The following FREM1 variants were observed in gnomAD, a reference collection of about 807,000 sequenced individuals.
FREM1 encodes the protein FRAS1-related extracellular matrix protein 1.
FREM1 carries 220 observed loss-of-function variants against 210.1 expected under a neutral mutation model. That is an observed-to-expected ratio of 1.05 (90% CI 0.94 to 1.17). FREM1 has a LOEUF of 1.17. Ranked by LOEUF, FREM1 falls within the 50% of genes most tolerant of loss-of-function variation. The pLI, the probability that FREM1 is intolerant of heterozygous loss-of-function variation, is 0.00. For missense variants in FREM1, 3,454 were observed against 2,675.5 expected, an observed-to-expected ratio of 1.29 and a Z score of -6.42; for synonymous variants, 1,189 against 980.2, an observed-to-expected ratio of 1.21 and a Z score of -3.98.
rs779545302 is a variant in FREM1 at position 14,857,655 on chromosome 9, C to T, written c.726G>A (p.Leu242=). 1.2e-6 allele frequency: 2 copies of T among 1,613,866 alleles called. No homozygotes were observed. Among genetic ancestry groups the T allele is most frequent in the East Asian group, 2.2e-5 (1 of 44,866 alleles). ...CCAGATGCTGATAACGAAGGCCCAT[C>T]AGCAGGAACTCCTCACAGCTCACTT... ...SLKVSCEEFL[L]MGLRYQHLDP... The change falls in exon 5 of 37, where the codon CTG becomes CTA. Residue 242 remains leucine (L), a synonymous_variant. Coordinates refer to ENST00000380880, the MANE Select transcript of FREM1 (RefSeq NM_001379081.2).
At chr9:14,817,733 G>A (rs541883507) in intron 14 of FREM1, among the ~76,000 whole-genome samples, 2 of 152,244 alleles carry the variant, frequency 1.3e-5, no homozygotes, top group South Asian at 4.1e-4. Context: ...ATTTTACTGA[G>A]GACTAGTTTC....
chr9:14,761,143 C>T (rs901238400), intron 27 of FREM1, among the ~76,000 whole-genome samples: 5 of 152,204 alleles, frequency 3.3e-5, no homozygotes, highest in Non-Finnish European at 7.3e-5. Context: ...TTCACACACT[C>T]TCCAGGCTTT....
intron 1 of FREM1, among the ~76,000 whole-genome samples, chr9:14,907,577 C>A (rs1002317613): frequency 6.6e-6 from 1 of 152,130 alleles, no homozygotes; most frequent in Non-Finnish European, 1.5e-5. Flanking sequence ...TGTAACCTGG[C>A]GCAGGGAAAC....
chr9:14,783,918 T>C (rs1467214764), intron 24 of FREM1, among the ~76,000 whole-genome samples: 1 of 152,214 alleles, frequency 6.6e-6, no homozygotes, highest in Non-Finnish European at 1.5e-5. Flanking sequence ...TGTTTACTAA[T>C]AAATCCCTTT....
chr9:14,881,837 T>G (rs983038969), intron 1 of FREM1, among the ~76,000 whole-genome samples: 2 of 152,240 alleles, frequency 1.3e-5, no homozygotes, highest in African/African-American at 2.4e-5. Flanking sequence ...AGCAGTCACA[T>G]GGTGTCTCTG....
chr9:14,889,891 C>T (rs1369187471), intron 1 of FREM1, among the ~76,000 whole-genome samples: 4 of 152,172 alleles, frequency 2.6e-5, no homozygotes, highest in African/African-American at 9.7e-5. Context: ...TAAGCGTGAG[C>T]ATTTTTATCC....
At chr9:14,776,335 G>C (rs1848571690) in intron 24 of FREM1, 132 bp from the exon 25 acceptor site, 1 of 1,029,700 alleles carries the variant, frequency 9.7e-7, no homozygotes, top group Admixed American at 3.3e-5. Context: ...ATCAAGGGCA[G>C]ATCTTGCAGA....
intron 30 of FREM1, among the ~76,000 whole-genome samples, chr9:14,749,422 A>G (rs903975203): frequency 6.6e-6 from 1 of 152,174 alleles, no homozygotes; most frequent in African/African-American, 2.4e-5. Flanking sequence ...CAGGCAAGAA[A>G]AAAATATGGA....
rs1048757132 is a variant in FREM1, at chr9:14,816,759, G to C, written c.2640+19C>G. On this transcript the variant is annotated intron_variant, in intron 15 of 36. Coordinates refer to ENST00000380880, the MANE Select transcript of FREM1 (RefSeq NM_001379081.2). ...AAACAGACTAAGACAATAACCCAGGGAAGAAACTTTCTACCCACCTCAACA... is the reference window on the plus strand; with the variant it reads ...AAACAGACTAAGACAATAACCCAGGCAAGAAACTTTCTACCCACCTCAACA... 7.5e-7 allele frequency: 1 copy of C among 1,328,046 alleles called. No individual in the cohort carries two copies. The highest frequency in any genetic ancestry group is 2.3e-5 in the Admixed American group (1 of 44,114). 82.3% of individuals were successfully genotyped at this position (1,328,046 alleles called of 1,614,324 possible).
Position 14,806,703 on chromosome 9 carries a change from G to T in FREM1, c.3232C>A (p.Pro1078Thr). The T allele has an allele frequency of 6.2e-7, 1 of 1,603,014 alleles. No homozygotes were observed. Among genetic ancestry groups the T allele is most frequent in the East Asian group, 2.2e-5 (1 of 44,762 alleles). Residue 1078 changes from proline (P) to threonine (T), a missense_variant, in exon 18 of 37, where the codon CCT becomes ACT. Pro to Thr is a conservative substitution (Grantham distance 38, BLOSUM62 -1). Transcript: ENST00000380880. The part of the protein sequence containing the change: ...PQFGYLENIL[P>T]SVGFEKSNIG... Reference sequence around the variant, plus strand: ...TTGCTTTTTTCAAAACCCACAGAAGGGAGTATATTTTCGAGGTAGCCAAAC... The same window carrying T: ...TTGCTTTTTTCAAAACCCACAGAAGTGAGTATATTTTCGAGGTAGCCAAAC...
chr9:14,787,745 T>A (rs1214302087), intron 23 of FREM1, among the ~76,000 whole-genome samples: 1 of 152,188 alleles, frequency 6.6e-6, no homozygotes, highest in African/African-American at 2.4e-5. Context: ...AATGAGAAGG[T>A]GGCCTACTCT....
intron 1 of FREM1, among the ~76,000 whole-genome samples, chr9:14,874,196 G>C (rs2131977432): frequency 6.6e-6 from 1 of 152,284 alleles, no homozygotes; most frequent in Non-Finnish European, 1.5e-5. Context: ...GCTTGGTGCA[G>C]AGGTGAGTTC....
intron 13 of FREM1, among the ~76,000 whole-genome samples, chr9:14,821,696 G>A (rs142928117): frequency 1.3e-5 from 2 of 152,348 alleles, no homozygotes; most frequent in African/African-American, 4.8e-5. Flanking sequence ...GTCCACAGGT[G>A]TGGGAGGTCA....
At position 14,819,314 on chromosome 9, in the gene FREM1, G is replaced by A. The variant is rs776824807; in HGVS notation, c.2466C>T (p.His822=). Residue 822 remains histidine, a synonymous_variant, in exon 14 of 37, where the codon CAC becomes CAT. Coordinates refer to ENST00000380880, the MANE Select transcript of FREM1 (RefSeq NM_001379081.2). The part of the protein sequence containing the change: ...IDLSLRELPL[H]GRVELNGFPL... ...GAAATCCATTCAGCTCCACCCTTCCGTGCAGAGGCAATTCCCGCAGGGAGA... is the reference window on the plus strand; with the variant it reads ...GAAATCCATTCAGCTCCACCCTTCCATGCAGAGGCAATTCCCGCAGGGAGA... 1.6e-5 allele frequency: 26 copies of A among 1,613,728 alleles called. No individual in the cohort carries two copies. The highest frequency in any genetic ancestry group is 9.3e-5 in the African/African-American group (7 of 74,924).
At chr9:14,746,516 G>A (rs1273419058) in intron 34 of FREM1, 48 bp from the exon 35 acceptor site, 15 of 1,482,722 alleles carry the variant, frequency 1.0e-5, no homozygotes, top group Middle Eastern at 1.8e-4. Flanking sequence ...TTTACAATCT[G>A]GAGTTGGTTC....
At chr9:14,875,347 C>T (rs2132006601) in intron 1 of FREM1, among the ~76,000 whole-genome samples, 1 of 152,316 alleles carries the variant, frequency 6.6e-6, no homozygotes, top group East Asian at 1.9e-4. Context: ...CACATAGTCC[C>T]ATATTTCTTG....
rs200489692 is a variant in FREM1 at position 14,740,191 on chromosome 9, G to A, written c.6298C>T (p.Arg2100Trp). The A allele has an allele frequency of 9.6e-5, 155 of 1,612,860 alleles. No homozygotes were observed. Among genetic ancestry groups the A allele is most frequent in the South Asian group, 1.6e-4 (15 of 90,940 alleles). Reference sequence around the variant, plus strand: ...CTCCCACCAATGTCCCAGAGCCACCGCATGTGCTGCCTGGAGAATACAGTT... The same window carrying A: ...CTCCCACCAATGTCCCAGAGCCACCACATGTGCTGCCTGGAGAATACAGTT... ...LVTVFSRQHMRWLWDIGGRKS... is the reference protein window; with the variant it reads ...LVTVFSRQHMWWLWDIGGRKS... The change falls in exon 36 of 37, where the codon CGG becomes TGG. Residue 2100 changes from arginine (R) to tryptophan (W), a missense_variant. By Grantham distance (101) the Arg-to-Trp change is moderately radical. Transcript: ENST00000380880.
intron 21 of FREM1, among the ~76,000 whole-genome samples, chr9:14,793,364 C>A (rs1851759108): frequency 6.6e-6 from 1 of 152,162 alleles, no homozygotes; most frequent in Non-Finnish European, 1.5e-5. Context: ...GTTAGGTAAT[C>A]TGGGACTCTC....
At position 14,792,864 on chromosome 9, in the gene FREM1, T is replaced by C. The variant is rs748356480; in HGVS notation, c.3860A>G (p.Asn1287Ser). 1.3e-4 allele frequency: 202 copies of C among 1,583,918 alleles called. No individual in the cohort carries two copies. In the Middle Eastern group the frequency reaches 1.5e-3, roughly 12 times the overall value. Residue 1287 changes from asparagine to serine, a missense_variant, in exon 22 of 37, where the codon AAT becomes AGT. By Grantham distance (46) the Asn-to-Ser change is conservative. Transcript: ENST00000380880. ...GGAAATAATACGAGTTTCACCCATA[T>C]TCATTGCAATTTCAGCCTTCCTGTA... ...MLSKKAEIAMNMGETRIISSA... is the reference protein window; with the variant it reads ...MLSKKAEIAMSMGETRIISSA...
Sources: allele counts gnomAD v4.1 joint callset (sites outside exome capture counted in the v4.1 genomes callset), GRCh38; gene constraint gnomAD v4.1.1; transcripts MANE v1.5; gene names NCBI Gene and HGNC (gene_info 2026-07-23, HGNC 2026-07-21).